The following FAM124A variants were observed in gnomAD, a reference collection of about 807,000 sequenced individuals.
FAM124A encodes protein FAM124A.
In FAM124A, 23 loss-of-function variants were observed where a neutral mutation model predicts 24.5. The observed-to-expected ratio is 0.94, with a 90% CI of 0.68 to 1.33. The LOEUF (loss-of-function observed/expected upper bound fraction) is 1.33. Among genes scored for constraint, FAM124A ranks in the 40% most tolerant of loss-of-function variants. FAM124A has a pLI of 0.00. For synonymous variants in FAM124A, 287 were observed against 314.7 expected (o/e 0.91, Z 0.93); for missense variants, 623 against 722.8 (o/e 0.86, Z 1.58).
At chr13:51,223,439 T>C (rs1296835822) in intron 1 of FAM124A, among the ~76,000 whole-genome samples, 2 of 152,148 alleles carry the variant, frequency 1.3e-5, no homozygotes, top group African/African-American at 4.8e-5. Context: ...AGGGTGTTTT[T>C]TCCTATCTGG....
chr13:51,234,739 C>T (rs558710869), intron 2 of FAM124A, among the ~76,000 whole-genome samples: 10 of 152,290 alleles, frequency 6.6e-5, no homozygotes, highest in East Asian at 1.9e-4. Flanking sequence ...TTTGACCCAG[C>T]ATAAAAATCT....
intron 2 of FAM124A, among the ~76,000 whole-genome samples, chr13:51,235,046 A>AC (rs1223255345): frequency 6.6e-6 from 1 of 151,836 alleles, no homozygotes; most frequent in East Asian, 1.9e-4. Context: ...GGGGGATGTG[A>AC]CCGGGGGGCT....
Position 51,270,593 on chromosome 13 carries a change from G to A in FAM124A, c.835-9857G>A, listed in dbSNP as rs75970107. On this transcript the variant is annotated intron_variant, in intron 3 of 3. Transcript: ENST00000322475. ...TCTTCTAACCCTTGAAACTTTTGAG[G>A]TGCTGTCCTAAATTCTATTTGCTGA... Among the ~76,000 whole-genome samples the A allele has an allele frequency of 3.5e-4, 54 of 152,278 alleles. 1 individual carries two copies. The East Asian group carries it at 0.01, about 28-fold the overall frequency.
At chr13:51,241,184 C>T (rs980513448) in intron 2 of FAM124A, among the ~76,000 whole-genome samples, 4 of 152,254 alleles carry the variant, frequency 2.6e-5, no homozygotes, top group Non-Finnish European at 4.4e-5. Context: ...AGTTTATCTG[C>T]TGCCATCCTC....
rs74545291 is a variant in FAM124A, at chr13:51,253,914, A to C, written c.834+1713A>C. On this transcript the variant is annotated intron_variant, in intron 3 of 3. Transcript: ENST00000322475. ...CAAATAGTAATATGTTGAGGAATTA[A>C]ATTAATGTGGGCAGAAAGGATGCAT... 2.8e-3 allele frequency among the ~76,000 whole-genome samples: 427 copies of C among 152,310 alleles called. 2 individuals are homozygous for C. Among genetic ancestry groups the C allele is most frequent in the African/African-American group, 9.8e-3 (407 of 41,552 alleles).
chr13:51,228,931 C>T (rs775289073), intron 1 of FAM124A, among the ~76,000 whole-genome samples: 17 of 152,152 alleles, frequency 1.1e-4, no homozygotes, highest in African/African-American at 3.1e-4. Context: ...CAACCAGGAG[C>T]GATCATTTAG....
chr13:51,252,372 A>T (rs571160146), intron 3 of FAM124A, 171 bp downstream of exon 3: 2 of 845,846 alleles, frequency 2.4e-6, no homozygotes, highest in South Asian at 1.9e-5. Context: ...CCAACAAAAG[A>T]GGGGGCAAGA....
At chr13:51,278,168 G>T (rs1375786069) in intron 3 of FAM124A, among the ~76,000 whole-genome samples, 1 of 152,214 alleles carries the variant, frequency 6.6e-6, no homozygotes, top group Non-Finnish European at 1.5e-5. Flanking sequence ...ACTTGGAGCA[G>T]CTCAGGAGGG....
intron 3 of FAM124A, among the ~76,000 whole-genome samples, chr13:51,273,139 A>G (rs1297596559): frequency 6.6e-6 from 1 of 152,178 alleles, no homozygotes; most frequent in East Asian, 1.9e-4. Context: ...AGGGCATTAT[A>G]TTTTCATAAT....
In FAM124A at chr13:51,281,387, A is replaced by G. The variant is rs951258844; in HGVS notation, c.*131A>G. The G allele has an allele frequency of 1.3e-5, 11 of 874,986 alleles. No individual in the cohort carries two copies. The African/African-American group carries it at 1.9e-4, about 15-fold the overall frequency. The allele number at this position is 874,986 out of a possible 1,614,324, so 54.2% of individuals were successfully genotyped here. A position where few individuals can be genotyped will look rare whatever the true frequency, so the allele number is the denominator to read the frequency against. On this transcript the variant is annotated 3_prime_UTR_variant, in exon 4 of 4. Transcript: ENST00000322475. ...CCAGGAGCCCGTAGCACATTTGCCT[A>G]CCACCCACTCTTAGCTGGGGGGTGG...
chr13:51,279,638 G>T (rs1032138031), intron 3 of FAM124A, among the ~76,000 whole-genome samples: 8 of 152,084 alleles, frequency 5.3e-5, no homozygotes, highest in Non-Finnish European at 1.2e-4. Flanking sequence ...CAACAGAAAC[G>T]GGTTACTGGT....
At position 51,283,767 on chromosome 13, in the gene FAM124A, C is replaced by CAAAAAAAAAA. The variant is rs3045985; in HGVS notation, c.*2530_*2539dup. On this transcript the variant is annotated 3_prime_UTR_variant, in exon 4 of 4. Transcript: ENST00000322475. ...TCATCAGTAACAAAAGTCAGTGAGG[C>CAAAAAAAAAA]AAAAAAAAAAAAAAAAAAAAAAAAA... 6.3e-4 allele frequency: 22 copies of CAAAAAAAAAA among 34,714 alleles called. 2 individuals carry two copies. The highest frequency in any genetic ancestry group is 1.9e-3 in the African/African-American group (19 of 10,124). The allele number at this position is 34,714 out of a possible 1,614,324, so 2.2% of individuals were successfully genotyped here.
At chr13:51,250,666 A>C (rs531345718) in intron 2 of FAM124A, among the ~76,000 whole-genome samples, 2 of 152,338 alleles carry the variant, frequency 1.3e-5, no homozygotes, top group African/African-American at 2.4e-5. Context: ...CACAAAAGGT[A>C]GCCTTTCATG....
rs1566177604 is a variant in FAM124A, at chr13:51,281,166, C to CCCCAAA, written c.1552_1557dup (p.Pro518_Lys519dup). On this transcript the variant is annotated inframe_insertion, in exon 4 of 4. Coordinates refer to ENST00000322475, the MANE Select transcript of FAM124A (RefSeq NM_001242312.2). The stretch of plus-strand genomic sequence containing the variant: ...CCTCCCCACAGCTCCCATGCGATAC[C>CCCCAAA]CCCAAAGTCAAGCAGACTGATGGAG... The CCCCAAA allele has an allele frequency of 6.2e-7, 1 of 1,613,750 alleles. No individual in the cohort carries two copies. Among genetic ancestry groups the CCCCAAA allele is most frequent in the Non-Finnish European group, 8.5e-7 (1 of 1,179,980 alleles).
chr13:51,225,782 G>A (rs1954309331), intron 1 of FAM124A, among the ~76,000 whole-genome samples: 1 of 152,096 alleles, frequency 6.6e-6, no homozygotes, highest in Non-Finnish European at 1.5e-5. Flanking sequence ...TGAAGAAAAG[G>A]AGACAGGTGG....
At chr13:51,245,842 G>A (rs1954552241) in intron 2 of FAM124A, among the ~76,000 whole-genome samples, 1 of 152,128 alleles carries the variant, frequency 6.6e-6, no homozygotes, top group Admixed American at 6.5e-5. Context: ...ATAATAAATG[G>A]TTGCTATTGT....
intron 2 of FAM124A, among the ~76,000 whole-genome samples, chr13:51,244,981 A>C (rs1018481367): frequency 2.0e-5 from 3 of 152,192 alleles, no homozygotes; most frequent in Non-Finnish European, 4.4e-5. Context: ...CTGGGATAAT[A>C]CCCGAGGTTT....
chr13:51,250,274 C>A (rs1954605022), intron 2 of FAM124A, among the ~76,000 whole-genome samples: 1 of 152,164 alleles, frequency 6.6e-6, no homozygotes, highest in Non-Finnish European at 1.5e-5. Context: ...CACATGATCA[C>A]TGTATGCCTG....
chr13:51,262,747 T>C (rs531592858), intron 3 of FAM124A, among the ~76,000 whole-genome samples: 1 of 152,348 alleles, frequency 6.6e-6, no homozygotes, highest in South Asian at 2.1e-4. Flanking sequence ...CCCTGTTTGC[T>C]GCCAAAGAAT....
Sources: gnomAD v4.1 joint callset for allele counts (sites outside exome capture counted in the v4.1 genomes callset) on GRCh38, gnomAD v4.1.1 for gene constraint, MANE v1.5 for transcripts, NCBI Gene and HGNC (gene_info 2026-07-23, HGNC 2026-07-21) for gene names.